The following UTRN variants were observed in gnomAD, a reference collection of about 807,000 sequenced individuals.
UTRN encodes dystrophin-related protein 1.
Under a neutral mutation model 463.9 loss-of-function variants are expected in UTRN, and 283 were observed. The ratio of observed to expected loss-of-function variants is 0.61; its 90% confidence interval spans 0.55 to 0.67. UTRN has a LOEUF of 0.67. Among genes scored for constraint, UTRN ranks in the 30% least tolerant of loss-of-function variants. UTRN has a pLI of 0.00. For missense variants in UTRN, 3,922 were observed against 4,084.3 expected (o/e 0.96, Z 1.08); for synonymous variants, 1,442 against 1,431.5 (o/e 1.01, Z -0.17).
intron 34 of UTRN, among the ~76,000 whole-genome samples, chr6:144,500,507 G>A (rs867368535): frequency 1.3e-5 from 2 of 152,018 alleles, no homozygotes; most frequent in Non-Finnish European, 1.5e-5. Flanking sequence ...GATTCCAAAA[G>A]CATTACATTC....
chr6:144,352,191 C>T (rs576435329), intron 2 of UTRN, among the ~76,000 whole-genome samples: 8 of 152,130 alleles, frequency 5.3e-5, no homozygotes, highest in Non-Finnish European at 8.8e-5. Flanking sequence ...CTAGCATCTG[C>T]CAATACTCTG....
At chr6:144,501,618 A>T in intron 34 of UTRN, among the ~76,000 whole-genome samples, 1 of 152,062 alleles carries the variant, frequency 6.6e-6, no homozygotes, top group Non-Finnish European at 1.5e-5. Flanking sequence ...ATAGTATTTC[A>T]TTCTTAATTT....
At chr6:144,844,696 C>G (rs1781875319) in intron 73 of UTRN, among the ~76,000 whole-genome samples, 1 of 152,172 alleles carries the variant, frequency 6.6e-6, no homozygotes, top group African/African-American at 2.4e-5. Flanking sequence ...TTTAAAGTTG[C>G]TCAGCCAGCA....
intron 51 of UTRN, among the ~76,000 whole-genome samples, chr6:144,589,418 T>A (rs555773771): frequency 6.6e-6 from 1 of 152,182 alleles, no homozygotes; most frequent in Non-Finnish European, 1.5e-5. Flanking sequence ...AAGAAATTTG[T>A]TTTGCAAGTC....
chr6:144,769,636 C>T (rs1016337076), intron 58 of UTRN, among the ~76,000 whole-genome samples: 3 of 152,184 alleles, frequency 2.0e-5, no homozygotes, highest in African/African-American at 7.2e-5. Context: ...CCTGTAATTC[C>T]AGAGAAAGCA....
At chr6:144,687,347 A>C (rs1024869064) in intron 52 of UTRN, among the ~76,000 whole-genome samples, 2 of 152,124 alleles carry the variant, frequency 1.3e-5, no homozygotes, top group South Asian at 4.1e-4. Context: ...TATAGACTCA[A>C]GGTAAAGAGG....
intron 54 of UTRN, among the ~76,000 whole-genome samples, chr6:144,742,296 A>T (rs978720464): frequency 6.6e-6 from 1 of 152,186 alleles, no homozygotes; most frequent in Non-Finnish European, 1.5e-5. Context: ...TGTACTTGTA[A>T]TCTGGCTCAT....
chr6:144,578,294 C>T (rs755271891), intron 51 of UTRN, among the ~76,000 whole-genome samples: 1 of 152,208 alleles, frequency 6.6e-6, no homozygotes, highest in Non-Finnish European at 1.5e-5. Context: ...CCATGCCATG[C>T]TCACATCAGT....
rs1796265395 is a variant in UTRN, at chr6:144,523,246, TGAA to T, written c.5906+64_5906+66del. On this transcript the variant is annotated intron_variant, in intron 41 of 74. Coordinates refer to ENST00000367545, the MANE Select transcript of UTRN (RefSeq NM_007124.3). ...AAAAATGCCTGCAAGTTCATGGGCGTGAAGAAGATCATGTGGACACTGAGATTA... is the reference window on the plus strand; with the variant it reads ...AAAAATGCCTGCAAGTTCATGGGCGTGAAGATCATGTGGACACTGAGATTA... The T allele has an allele frequency of 1.2e-5, 16 of 1,325,620 alleles. No individual in the cohort carries two copies. The Middle Eastern group carries it at 9.7e-4, about 80-fold the overall frequency. 82.1% of individuals were successfully genotyped at this position (1,325,620 alleles called of 1,614,324 possible). A position where few individuals can be genotyped will look rare whatever the true frequency, so the allele number is the denominator to read the frequency against.
chr6:144,288,457 T>C (rs1803892260), intron 1 of UTRN, among the ~76,000 whole-genome samples: 1 of 152,206 alleles, frequency 6.6e-6, no homozygotes, highest in African/African-American at 2.4e-5. Flanking sequence ...TCCAAAGTGA[T>C]ACACTGTAGT....
intron 2 of UTRN, among the ~76,000 whole-genome samples, chr6:144,337,456 A>C (rs1776823356): frequency 6.6e-6 from 1 of 152,114 alleles, no homozygotes. Context: ...AACTTCTAGG[A>C]GTTTTCTTTT....
At chr6:144,371,206 C>A (rs1214512418) in intron 2 of UTRN, among the ~76,000 whole-genome samples, 1 of 152,062 alleles carries the variant, frequency 6.6e-6, no homozygotes, top group Non-Finnish European at 1.5e-5. Flanking sequence ...TTTATATTGC[C>A]TATTTTTAAT....
chr6:144,569,900 A>G (rs1800779596), intron 50 of UTRN, among the ~76,000 whole-genome samples: 1 of 152,116 alleles, frequency 6.6e-6, no homozygotes, highest in Admixed American at 6.6e-5. Flanking sequence ...GCTATGAGTC[A>G]AGCAATGTGG....
intron 28 of UTRN, 78 bp from the exon 29 acceptor site, chr6:144,487,470 A>G (rs1375176231): frequency 7.3e-7 from 1 of 1,376,140 alleles, no homozygotes. Flanking sequence ...TTGTTTAACA[A>G]ATAGACATTT....
chr6:144,521,895 A>G, intron 39 of UTRN, 85 bp from the exon 40 acceptor site: 1 of 929,596 alleles, frequency 1.1e-6, no homozygotes. Flanking sequence ...ATTCCTTCAC[A>G]CAATAGTCTT....
chr6:144,528,993 G>A (rs1182890024), intron 41 of UTRN, among the ~76,000 whole-genome samples: 1 of 152,198 alleles, frequency 6.6e-6, no homozygotes, highest in Non-Finnish European at 1.5e-5. Context: ...GGGGATGGGG[G>A]TGTGGTTCCC....
chr6:144,798,845 G>A (rs1481298526), intron 64 of UTRN, among the ~76,000 whole-genome samples: 3 of 152,208 alleles, frequency 2.0e-5, no homozygotes, highest in Admixed American at 6.5e-5. Context: ...AAGTTCACGC[G>A]ATTCCCCTGC....
intron 58 of UTRN, among the ~76,000 whole-genome samples, chr6:144,760,137 A>ATATT (rs1208469835): frequency 6.6e-6 from 1 of 152,146 alleles, no homozygotes; most frequent in Non-Finnish European, 1.5e-5. Context: ...GGTTAATTAT[A>ATATT]TATGACTGAG....
intron 2 of UTRN, among the ~76,000 whole-genome samples, chr6:144,387,254 T>C (rs1418257606): frequency 6.6e-6 from 1 of 152,208 alleles, no homozygotes; most frequent in Non-Finnish European, 1.5e-5. Context: ...GAGATTCTCA[T>C]GTCTCAGCCT....
Sources: allele counts gnomAD v4.1 joint callset (sites outside exome capture counted in the v4.1 genomes callset), GRCh38; gene constraint gnomAD v4.1.1; transcripts MANE v1.5; gene names NCBI Gene and HGNC (gene_info 2026-07-23, HGNC 2026-07-21).